The following ZSCAN12 variants were observed in gnomAD, a reference collection of about 807,000 sequenced individuals.
The protein encoded by ZSCAN12 is zinc finger and SCAN domain containing 12.
In ZSCAN12, 18 loss-of-function variants were observed where a neutral mutation model predicts 23.4. The ratio of observed to expected loss-of-function variants is 0.77; its 90% confidence interval spans 0.53 to 1.14. ZSCAN12 has a LOEUF of 1.14. Ranked by LOEUF, ZSCAN12 falls within the 50% of genes most tolerant of loss-of-function variation. The pLI is 0.00. For missense variants in ZSCAN12, 650 were observed against 735.0 expected (o/e 0.88, Z 1.34); for synonymous variants, 186 against 253.4 (o/e 0.73, Z 2.53).
chr6:28,393,075 C>G (rs1429044329), intron 2 of ZSCAN12, 29 bp from the exon 3 acceptor site: 3 of 1,549,080 alleles, frequency 1.9e-6, no homozygotes, highest in Non-Finnish European at 2.6e-6. Flanking sequence ...AGCTGACAGA[C>G]TCACTCTGAT....
In ZSCAN12 at chr6:28,390,778, C is replaced by T; in HGVS notation, c.1512G>A (p.Lys504=). ...TGAGGACTGATCTTTGAGTAAACGC[C>T]TTCCCACACTTATCACATTTATAGG... ...ERPYKCDKCG[K]AFTQRSVLTE... is the part of the protein sequence containing the mutation. The change falls in exon 4 of 4, where the codon AAG becomes AAA. Residue 504 remains lysine (K), a synonymous_variant. Transcript: ENST00000684592. 6.2e-7 allele frequency: 1 copy of T among 1,603,950 alleles called. No homozygotes were observed. Among genetic ancestry groups the T allele is most frequent in the Non-Finnish European group, 8.5e-7 (1 of 1,174,768 alleles).
chr6:28,397,877 C>T, intron 2 of ZSCAN12, 127 bp downstream of exon 2: 2 of 1,202,324 alleles, frequency 1.7e-6, no homozygotes, highest in Non-Finnish European at 2.2e-6. Context: ...TTCCGTGAAA[C>T]TCATGCCCCT....
chr6:28,392,790 G>A, intron 3 of ZSCAN12, 112 bp downstream of exon 3: 1 of 1,220,856 alleles, frequency 8.2e-7, no homozygotes, highest in Non-Finnish European at 1.1e-6. Flanking sequence ...ATCAGATTCT[G>A]AGACGGCCTT....
At chr6:28,393,987 C>G (rs934505903) in intron 2 of ZSCAN12, among the ~76,000 whole-genome samples, 1 of 152,166 alleles carries the variant, frequency 6.6e-6, no homozygotes, top group African/African-American at 2.4e-5. Flanking sequence ...TCCATTTCTT[C>G]TATCTTAGGA....
rs1357424876 is a variant in ZSCAN12, at chr6:28,389,063, A to G, written c.*1391T>C. 6.6e-6 allele frequency among the ~76,000 whole-genome samples: 1 copy of G among 152,144 alleles called. No homozygotes were observed. Among genetic ancestry groups the G allele is most frequent in the African/African-American group, 2.4e-5 (1 of 41,440 alleles). ...AGTATCTCTAATTTGGGGTCCTTTT[A>G]TGTGCTCAAGAAGTAAACAAACCAA... On this transcript the variant is annotated 3_prime_UTR_variant, in exon 4 of 4. Coordinates refer to ENST00000684592, the MANE Select transcript of ZSCAN12 (RefSeq NM_001163391.2).
downstream of ZSCAN12, chr6:28,382,539 G>A (rs1180433785): frequency 1.9e-6 from 3 of 1,551,816 alleles, no homozygotes; most frequent in Non-Finnish European, 2.6e-6. Flanking sequence ...AGAGAGCTCA[G>A]GAGAAGATTC....
chr6:28,397,179 C>G (rs1343936077), intron 2 of ZSCAN12, among the ~76,000 whole-genome samples: 2 of 151,790 alleles, frequency 1.3e-5, no homozygotes, highest in Non-Finnish European at 2.9e-5. Flanking sequence ...CCCGAGTGAT[C>G]CACTAGATAC....
rs2114006525 is a variant in ZSCAN12 at position 28,399,031 on chromosome 6, T to C, written c.-68-558A>G. 2.0e-5 allele frequency among the ~76,000 whole-genome samples: 3 copies of C among 152,186 alleles called. No individual in the cohort carries two copies. The South Asian group carries it at 6.2e-4, about 32-fold the overall frequency. ...AGAGTAAGACTTGTTGGTAAACTTA[T>C]TCTCATTTGGTCCTAAATGAAAGAC... On this transcript the variant is annotated intron_variant, in intron 1 of 3. Coordinates refer to ENST00000684592, the MANE Select transcript of ZSCAN12 (RefSeq NM_001163391.2).
Position 28,391,090 on chromosome 6 carries a change from T to C in ZSCAN12, c.1200A>G (p.Ile400Met), listed in dbSNP as rs200531324. The C allele has an allele frequency of 4.9e-4, 765 of 1,552,240 alleles. No homozygotes were observed. The highest frequency in any genetic ancestry group is 6.2e-4 in the Non-Finnish European group (706 of 1,147,222). Residue 400 changes from isoleucine to methionine, a missense_variant, in exon 4 of 4, where the codon ATA becomes ATG. Physicochemically the swap from Ile to Met is conservative, Grantham distance 10. Coordinates refer to ENST00000684592, the MANE Select transcript of ZSCAN12 (RefSeq NM_001163391.2). The surrounding 1 kb of genome is among the most constrained non-coding windows in gnomAD (Gnocchi z 4.1). ...QCNKSFSRRS[I>M]LTQHQGVHTG... Reference sequence around the variant, plus strand: ...TATGAACTCCTTGATGCTGAGTAAGTATGGAACGCCGACTAAAACTTTTAT... The same window carrying C: ...TATGAACTCCTTGATGCTGAGTAAGCATGGAACGCCGACTAAAACTTTTAT...
chr6:28,382,200 C>T, downstream of ZSCAN12: 1 of 275,406 alleles, frequency 3.6e-6, no homozygotes, highest in Non-Finnish European at 6.7e-6. Context: ...CCTATATCTG[C>T]AGCTTCACAA....
At chr6:28,381,686 T>A (rs1022048205), downstream of ZSCAN12, 8 of 152,178 alleles carry the variant, frequency 5.3e-5, no homozygotes, top group African/African-American at 1.9e-4. Context: ...AGAGATGCTC[T>A]CTCATCAGCT....
rs1350066907 is a variant in ZSCAN12, at chr6:28,391,974, T to C, written c.548-232A>G. 3.9e-5 allele frequency among the ~76,000 whole-genome samples: 6 copies of C among 152,168 alleles called. No individual in the cohort carries two copies. The highest frequency in any genetic ancestry group is 8.8e-5 in the Non-Finnish European group (6 of 68,030). ...CTATTTCAGAGTAGGAGGAAGAGACTAGGTGGCTGGGAAAATCGAGTAGAA... is the reference window on the plus strand; with the variant it reads ...CTATTTCAGAGTAGGAGGAAGAGACCAGGTGGCTGGGAAAATCGAGTAGAA... On this transcript the variant is annotated intron_variant, in intron 3 of 3. Transcript: ENST00000684592. The surrounding 1 kb of genome is among the most constrained non-coding windows in gnomAD (Gnocchi z 4.1).
chr6:28,391,753 A>T lies in ZSCAN12; in HGVS notation c.548-11T>A. On this transcript the variant is annotated splice_polypyrimidine_tract_variant and intron_variant, in intron 3 of 3. Coordinates refer to ENST00000684592, the MANE Select transcript of ZSCAN12 (RefSeq NM_001163391.2). This position sits in a 1 kb window ranked among gnomAD's most constrained non-coding sequence, Gnocchi z 4.1. Reference sequence around the variant, plus strand: ...TCTCAACATCTAAAACTAAGAAGGGATCATAAATGTTACCTCTTTCTACCT... The same window carrying T: ...TCTCAACATCTAAAACTAAGAAGGGTTCATAAATGTTACCTCTTTCTACCT... 6.7e-7 allele frequency: 1 copy of T among 1,494,258 alleles called. No homozygotes were observed. Among genetic ancestry groups the T allele is most frequent in the Non-Finnish European group, 8.9e-7 (1 of 1,126,182 alleles). 92.6% of individuals were successfully genotyped at this position (1,494,258 alleles called of 1,614,324 possible).
Position 28,398,011 on chromosome 6 carries a change from C to A in ZSCAN12, c.395G>T (p.Gly132Val). The change falls in exon 2 of 4, where the codon GGA becomes GTA. Residue 132 changes from glycine (G) to valine (V), a missense_variant. Coordinates refer to ENST00000684592, the MANE Select transcript of ZSCAN12 (RefSeq NM_001163391.2). Reference protein sequence around the residue: ...EDLERELDEPGEQVSVHTGEQ... With the variant: ...EDLERELDEPVEQVSVHTGEQ... The stretch of plus-strand genomic sequence containing the variant: ...TCACATCTTTTTTCTCACCTGCTCT[C>A]CTGGTTCATCCAGTTCTCTCTCTAA... 6.3e-7 allele frequency: 1 copy of A among 1,587,140 alleles called. No individual in the cohort carries two copies. Among genetic ancestry groups the A allele is most frequent in the Non-Finnish European group, 8.6e-7 (1 of 1,168,982 alleles).
downstream of ZSCAN12, among the ~76,000 whole-genome samples, chr6:28,384,297 A>G (rs377385141): frequency 9.8e-5 from 15 of 152,300 alleles, no homozygotes; most frequent in East Asian, 5.8e-4. Flanking sequence ...ACACTAAGAT[A>G]TGCCCACTAA....
Position 28,390,764 on chromosome 6 carries a change from C to CT in ZSCAN12, c.1525dup (p.Arg509LysfsTer20). The CT allele has an allele frequency of 1.9e-6, 3 of 1,608,010 alleles. No homozygotes were observed. Among genetic ancestry groups the CT allele is most frequent in the Non-Finnish European group, 2.5e-6 (3 of 1,176,834 alleles). On this transcript the variant is annotated frameshift_variant, in exon 4 of 4. Coordinates refer to ENST00000684592, the MANE Select transcript of ZSCAN12 (RefSeq NM_001163391.2). LOFTEE classifies it low-confidence loss of function (END_TRUNC). ...TCTCTGATGTTCCGTGAGGACTGATCTTTGAGTAAACGCCTTCCCACACTT... is the reference window on the plus strand; with the variant it reads ...TCTCTGATGTTCCGTGAGGACTGATCTTTTGAGTAAACGCCTTCCCACACTT...
In ZSCAN12 at chr6:28,391,370, C is replaced by G; in HGVS notation, c.920G>C (p.Cys307Ser). Residue 307 changes from cysteine to serine, a missense_variant, in exon 4 of 4, where the codon TGT (cysteine) becomes TCT (serine). Cys to Ser is a moderately radical substitution (Grantham distance 112, BLOSUM62 -1). Transcript: ENST00000684592. This position sits in a 1 kb window ranked among gnomAD's most constrained non-coding sequence, Gnocchi z 4.1. ...AGTTCTCCCACGGAAAGCTTTTCCA[C>G]ATTCTTCGCATTTGTAGGGTCTATC... Reference protein sequence around the residue: ...TGDRPYKCEECGKAFRGRTVL... With the variant: ...TGDRPYKCEESGKAFRGRTVL... 1 of 1,551,744 alleles carries G rather than the reference C, an allele frequency of 6.4e-7. No homozygotes were observed. Among genetic ancestry groups the G allele is most frequent in the Non-Finnish European group, 8.7e-7 (1 of 1,146,814 alleles).
rs537932016 is a variant in ZSCAN12, at chr6:28,398,007, C to T, written c.399G>A (p.Glu133=). ...GAAGTCACATCTTTTTTCTCACCTG[C>T]TCTCCTGGTTCATCCAGTTCTCTCT... is the stretch of plus-strand genomic sequence containing the variant. ...DLERELDEPG[E]QVSVHTGEQE... Residue 133 remains glutamate (E), a synonymous_variant, in exon 2 of 4, where the codon GAG becomes GAA. Coordinates refer to ENST00000684592, the MANE Select transcript of ZSCAN12 (RefSeq NM_001163391.2). 399 of 1,571,644 alleles carry T rather than the reference C, an allele frequency of 2.5e-4. 1 individual carries two copies. Among genetic ancestry groups the T allele is most frequent in the Non-Finnish European group, 3.3e-4 (387 of 1,161,672 alleles).
exon 5 of ZSCAN12, chr6:28,379,208 A>T (rs766998718): frequency 2.0e-5 from 3 of 152,214 alleles, no homozygotes; most frequent in Non-Finnish European, 4.4e-5. Flanking sequence ...AGAATAAGCA[A>T]GTTACTTATT....
Sources: allele counts gnomAD v4.1 joint callset (sites outside exome capture counted in the v4.1 genomes callset), GRCh38; gene constraint gnomAD v4.1.1; non-coding constraint Gnocchi (gnomAD v3.1); transcripts MANE v1.5; gene names NCBI Gene and HGNC (gene_info 2026-07-23, HGNC 2026-07-21).